MMP26: variants seen among roughly 807,000 people sequenced by gnomAD.
MMP26 encodes the protein matrix metallopeptidase 26.
Under a neutral mutation model 31.0 loss-of-function variants are expected in MMP26, and 33 were observed. That is an observed-to-expected ratio of 1.06 (90% CI 0.81 to 1.42). The LOEUF (loss-of-function observed/expected upper bound fraction) is 1.42. MMP26 is among the 40% of genes most tolerant of loss of function. The probability of loss-of-function intolerance (pLI) is 0.00; values close to 1 mark genes in which losing one functional copy is unlikely to be tolerated. For missense variants in MMP26, 347 were observed against 316.1 expected, an observed-to-expected ratio of 1.10 and a Z score of -0.74; for synonymous variants, 122 against 114.9, an observed-to-expected ratio of 1.06 and a Z score of -0.40.
rs563477967 is a variant in MMP26 at position 4,738,417 on chromosome 11, G to A, written c.-216-28853G>A. Reference sequence around the variant, plus strand: ...ATTCTTACTGGTTAAGACTGCCACCGTGAGAAAATATCTCATCAACCAGAA... The same window carrying A: ...ATTCTTACTGGTTAAGACTGCCACCATGAGAAAATATCTCATCAACCAGAA... On this transcript the variant is annotated intron_variant, in intron 1 of 7. Coordinates refer to ENST00000380390, the MANE Select transcript of MMP26 (RefSeq NM_021801.5). Among the ~76,000 whole-genome samples, 221 of 152,248 alleles carry A rather than the reference G, an allele frequency of 1.5e-3. No individual in the cohort carries two copies. The South Asian group carries it at 0.016, about 11-fold the overall frequency.
At chr11:4,787,604 C>A (rs1421817752) in intron 2 of MMP26, 1 of 152,240 alleles carries the variant, frequency 6.6e-6, no homozygotes, top group African/African-American at 2.4e-5. Context: ...CATCTATTTC[C>A]TTGGCCCCTC....
At chr11:4,821,075 G>A (rs1231253099) in intron 2 of MMP26, among the ~76,000 whole-genome samples, 1 of 152,080 alleles carries the variant, frequency 6.6e-6, no homozygotes, top group Admixed American at 6.6e-5. Context: ...TGGAAAGCAG[G>A]TTTCTCATAA....
At chr11:4,773,612 T>TTG in intron 2 of MMP26, among the ~76,000 whole-genome samples, 1 of 150,742 alleles carries the variant, frequency 6.6e-6, no homozygotes, top group African/African-American at 2.4e-5. Flanking sequence ...TTTTTTTTTT[T>TTG]GCTAATTGGT....
intron 1 of MMP26, among the ~76,000 whole-genome samples, chr11:4,751,759 G>T (rs1848449245): frequency 6.6e-6 from 1 of 152,188 alleles, no homozygotes; most frequent in Middle Eastern, 3.4e-3. Flanking sequence ...TTAATTCAAA[G>T]TGAATCATGT....
intron 1 of MMP26, among the ~76,000 whole-genome samples, chr11:4,730,841 A>ATACC (rs1197523690): frequency 6.6e-6 from 1 of 152,234 alleles, no homozygotes; most frequent in Non-Finnish European, 1.5e-5. Flanking sequence ...GTGGTCTGGT[A>ATACC]GTCTGAGGTA....
intron 1 of MMP26, among the ~76,000 whole-genome samples, chr11:4,753,147 T>C (rs1224755064): frequency 6.6e-6 from 1 of 152,110 alleles, no homozygotes; most frequent in Non-Finnish European, 1.5e-5. Flanking sequence ...GTGCCCAAGA[T>C]CAACTAATTG....
chr11:4,874,565 G>GGTGTGTGTGTGTGTGT (rs35692032), intron 2 of MMP26, among the ~76,000 whole-genome samples: 4 of 149,052 alleles, frequency 2.7e-5, no homozygotes, highest in Non-Finnish European at 5.9e-5. Context: ...GTGGTGTGTT[G>GGTGTGTGTGTGTGTGT]GTGTGTGTGT....
chr11:4,894,593 G>GA (rs1850674354), intron 2 of MMP26, among the ~76,000 whole-genome samples: 1 of 151,836 alleles, frequency 6.6e-6, no homozygotes, highest in South Asian at 2.1e-4. Context: ...TCACATTTCT[G>GA]AAAAAAATAC....
At chr11:4,801,504 T>TTTTATTTATTTA (rs141208345) in intron 2 of MMP26, among the ~76,000 whole-genome samples, 1 of 135,650 alleles carries the variant, frequency 7.4e-6, no homozygotes, top group Non-Finnish European at 1.6e-5. Flanking sequence ...GTCCCGGACT[T>TTTTATTTATTTA]TTTATTTATT....
chr11:4,894,031 A>G (rs1850667000), intron 2 of MMP26, among the ~76,000 whole-genome samples: 1 of 152,208 alleles, frequency 6.6e-6, no homozygotes, highest in Non-Finnish European at 1.5e-5. Context: ...ATATAAACAT[A>G]CAATTATTAA....
intron 1 of MMP26, among the ~76,000 whole-genome samples, chr11:4,726,450 G>T (rs778691027): frequency 2.2e-4 from 34 of 151,190 alleles, no homozygotes; most frequent in Non-Finnish European, 4.1e-4. Flanking sequence ...AGACAAGAGT[G>T]CAACTTCATT....
intron 2 of MMP26, among the ~76,000 whole-genome samples, chr11:4,851,953 A>G (rs1849981704): frequency 6.6e-6 from 1 of 152,132 alleles, no homozygotes. Context: ...AACCATATCA[A>G]TAATCACAAA....
chr11:4,935,510 T>G (rs1187925167), intron 2 of MMP26, among the ~76,000 whole-genome samples: 4 of 150,758 alleles, frequency 2.7e-5, no homozygotes, highest in African/African-American at 9.7e-5. Context: ...TATACAATCA[T>G]GTCATCTGCA....
chr11:4,948,961 G>A (rs1322424232), intron 2 of MMP26, among the ~76,000 whole-genome samples: 1 of 124,020 alleles, frequency 8.1e-6, no homozygotes, highest in East Asian at 2.3e-4. Context: ...CAGAAAGTTT[G>A]TGTATGTTTG....
chr11:4,724,259 T>C, intron 1 of MMP26: 1 of 382,174 alleles, frequency 2.6e-6, no homozygotes, highest in Non-Finnish European at 4.8e-6. Context: ...TAAGTCTTGC[T>C]TCTGCCAGCA....
At chr11:4,712,846 T>C (rs1847879178) in intron 1 of MMP26, among the ~76,000 whole-genome samples, 1 of 152,090 alleles carries the variant, frequency 6.6e-6, no homozygotes, top group East Asian at 1.9e-4. Context: ...CTCTTATTTT[T>C]CCCTACTATC....
rs1362517297 is a variant in MMP26, at chr11:4,982,480, A to G, written c.-144-5588A>G. On this transcript the variant is annotated intron_variant, in intron 2 of 7. Coordinates refer to ENST00000380390, the MANE Select transcript of MMP26 (RefSeq NM_021801.5). ...TGCCTGTATGAAAGTTAAAAATTGC[A>G]GGCTCTGGCAATTGTAAAGTCTCTA... Among the ~76,000 whole-genome samples the G allele has an allele frequency of 2.6e-5, 4 of 152,292 alleles. No homozygotes were observed. In the East Asian group the frequency reaches 7.7e-4, roughly 29 times the overall value.
chr11:4,773,970 C>A, intron 2 of MMP26, among the ~76,000 whole-genome samples: 1 of 152,146 alleles, frequency 6.6e-6, no homozygotes, highest in Non-Finnish European at 1.5e-5. Context: ...AACATGATCT[C>A]ATTCCTTTTT....
chr11:4,844,754 A>G (rs1849844358), intron 2 of MMP26, among the ~76,000 whole-genome samples: 4 of 152,184 alleles, frequency 2.6e-5, no homozygotes, highest in Non-Finnish European at 5.9e-5. Flanking sequence ...TAGAAGGAAC[A>G]TATCTCAAAA....
Sources: allele counts gnomAD v4.1 joint callset (sites outside exome capture counted in the v4.1 genomes callset), GRCh38; gene constraint gnomAD v4.1.1; transcripts MANE v1.5; gene names NCBI Gene and HGNC (gene_info 2026-07-23, HGNC 2026-07-21).